Variants in PTPRK observed in about 807,000 individuals in gnomAD.
PTPRK encodes the protein protein tyrosine phosphatase receptor type K, also known as receptor-type tyrosine-protein phosphatase kappa.
PTPRK carries 75 observed loss-of-function variants against 178.0 expected under a neutral mutation model. That is an observed-to-expected ratio of 0.42 (90% CI 0.35 to 0.51). The LOEUF (loss-of-function observed/expected upper bound fraction) is 0.51, where lower values mean the gene tolerates loss of function less well. PTPRK is among the 20% of genes least tolerant of loss of function. PTPRK has a pLI of 0.02. For missense variants in PTPRK, 1,441 were observed against 1,797.8 expected (o/e 0.80, Z 3.59); for synonymous variants, 637 against 620.6 (o/e 1.03, Z -0.39).
intron 15 of PTPRK, chr6:128,001,276 CT>C: frequency 1.6e-6 from 2 of 1,253,888 alleles, no homozygotes; most frequent in Admixed American, 2.2e-5. Flanking sequence ...TTTCTAAGCC[CT>C]TTTAAATCAG....
intron 5 of PTPRK, among the ~76,000 whole-genome samples, chr6:128,225,149 C>A (rs148565604): frequency 3.3e-5 from 5 of 152,072 alleles, no homozygotes; most frequent in Non-Finnish European, 5.9e-5. Flanking sequence ...CAATACATGT[C>A]GAGATTATTT....
chr6:128,446,469 AG>A (rs1294138439), intron 1 of PTPRK, among the ~76,000 whole-genome samples: 9 of 152,354 alleles, frequency 5.9e-5, no homozygotes, highest in African/African-American at 1.2e-4. Context: ...TTCAAAATGT[AG>A]AATAATTGAT....
intron 2 of PTPRK, among the ~76,000 whole-genome samples, chr6:128,344,817 A>T (rs1330547307): frequency 1.3e-5 from 2 of 151,848 alleles, no homozygotes; most frequent in African/African-American, 4.8e-5. Context: ...TGCCTGGCCC[A>T]CCCCTCACTT....
Position 128,467,914 on chromosome 6 carries a change from T to C in PTPRK, c.100+52345A>G, listed in dbSNP as rs59572429. Among the ~76,000 whole-genome samples the C allele has an allele frequency of 4.1e-3, 627 of 151,980 alleles. 5 individuals are homozygous for C. The highest frequency in any genetic ancestry group is 0.015 in the African/African-American group (608 of 41,408). ...TGTTGGAATTTTTCCTTAGTATCAA[T>C]AGCTTCAATTAGAAGCAAATGTAAC... On this transcript the variant is annotated intron_variant, in intron 1 of 29. Transcript: ENST00000368226.
chr6:128,204,263 A>T (rs1806516656), intron 6 of PTPRK, among the ~76,000 whole-genome samples: 1 of 152,218 alleles, frequency 6.6e-6, no homozygotes, highest in African/African-American at 2.4e-5. Context: ...AAACATATAC[A>T]AAAATTAACC....
At chr6:128,486,973 T>G (rs1023207939) in intron 1 of PTPRK, among the ~76,000 whole-genome samples, 2 of 151,020 alleles carry the variant, frequency 1.3e-5, no homozygotes, top group East Asian at 3.9e-4. Context: ...AAAGAAAAAA[T>G]GTATTGACTT....
intron 2 of PTPRK, among the ~76,000 whole-genome samples, chr6:128,365,611 G>A (rs899456204): frequency 6.6e-6 from 1 of 152,068 alleles, no homozygotes; most frequent in Non-Finnish European, 1.5e-5. Flanking sequence ...ACCAGCCATG[G>A]TGTGCATAGC....
intron 6 of PTPRK, among the ~76,000 whole-genome samples, chr6:128,215,951 G>T (rs948593890): frequency 6.6e-6 from 1 of 152,066 alleles, no homozygotes; most frequent in South Asian, 2.1e-4. Flanking sequence ...GCTGACCCCC[G>T]AGAGTATGTT....
intron 3 of PTPRK, among the ~76,000 whole-genome samples, chr6:128,291,263 T>C (rs1209237748): frequency 6.6e-6 from 1 of 152,086 alleles, no homozygotes; most frequent in Non-Finnish European, 1.5e-5. Context: ...GGCCATAAGC[T>C]AAGGAAGGTG....
chr6:128,155,631 C>G (rs1797853179), intron 7 of PTPRK, among the ~76,000 whole-genome samples: 1 of 151,466 alleles, frequency 6.6e-6, no homozygotes, highest in African/African-American at 2.4e-5. Context: ...TTTGCACCAA[C>G]CTAATATTAA....
intron 1 of PTPRK, among the ~76,000 whole-genome samples, chr6:128,503,204 C>T (rs1339952196): frequency 1.3e-5 from 2 of 152,170 alleles, no homozygotes; most frequent in Admixed American, 1.3e-4. Context: ...CCAGCCTAGG[C>T]AACAGAGCGA....
intron 11 of PTPRK, among the ~76,000 whole-genome samples, chr6:128,078,145 A>G (rs1211415228): frequency 2.6e-5 from 4 of 152,010 alleles, no homozygotes; most frequent in Non-Finnish European, 5.9e-5. Flanking sequence ...GTGAAATGAA[A>G]TGGGACTAGA....
At chr6:128,351,893 T>C (rs147476874) in intron 2 of PTPRK, among the ~76,000 whole-genome samples, 144 of 152,252 alleles carry the variant, frequency 9.5e-4, no homozygotes, top group Admixed American at 2.6e-3. Flanking sequence ...TTTTCTTCAA[T>C]GTAGCTCAAC....
At position 128,519,279 on chromosome 6, in the gene PTPRK, A is replaced by C; in HGVS notation, c.100+980T>G. The C allele has an allele frequency of 2.7e-6, 1 of 366,888 alleles. No homozygotes were observed. The highest frequency in any genetic ancestry group is 5.3e-6 in the Non-Finnish European group (1 of 187,536). 22.7% of individuals were successfully genotyped at this position (366,888 alleles called of 1,614,324 possible). The stretch of plus-strand genomic sequence containing the variant: ...CGAAAGAAGCAACCAACCTACACGA[A>C]GGATAACAAAACTGGAGGGGAACAG... On this transcript the variant is annotated intron_variant, in intron 1 of 29. Coordinates refer to ENST00000368226, the MANE Select transcript of PTPRK (RefSeq NM_002844.4). This position sits in a 1 kb window ranked among gnomAD's most constrained non-coding sequence, Gnocchi z 4.3.
At chr6:128,510,224 A>G (rs927935602) in intron 1 of PTPRK, among the ~76,000 whole-genome samples, 1 of 152,194 alleles carries the variant, frequency 6.6e-6, no homozygotes, top group Non-Finnish European at 1.5e-5. Context: ...GGACCATTAA[A>G]GTGCCTGGAG....
chr6:128,019,966 A>G (rs1773235491), intron 13 of PTPRK, among the ~76,000 whole-genome samples: 1 of 152,182 alleles, frequency 6.6e-6, no homozygotes, highest in South Asian at 2.1e-4. Context: ...TTGTCTATGT[A>G]GTAGGTGCAA....
At chr6:128,397,822 T>A (rs905727057) in intron 1 of PTPRK, 134 bp from the exon 2 acceptor site, 12 of 828,018 alleles carry the variant, frequency 1.4e-5, no homozygotes, top group Non-Finnish European at 2.1e-5. Flanking sequence ...CTCCTGTTTA[T>A]CACTATTCTC....
intron 6 of PTPRK, among the ~76,000 whole-genome samples, chr6:128,192,580 G>C (rs1803986829): frequency 6.6e-6 from 1 of 152,052 alleles, no homozygotes; most frequent in Admixed American, 6.5e-5. Context: ...AGCATTTTAG[G>C]AGGCTGAGGA....
chr6:128,380,426 A>G lies in PTPRK; in HGVS notation c.223+17140T>C, dbSNP rs1837718055. 2.6e-5 allele frequency among the ~76,000 whole-genome samples: 4 copies of G among 151,944 alleles called. No homozygotes were observed. In the South Asian group the frequency reaches 8.3e-4, roughly 32 times the overall value. On this transcript the variant is annotated intron_variant, in intron 2 of 29. Coordinates refer to ENST00000368226, the MANE Select transcript of PTPRK (RefSeq NM_002844.4). ...ACCTTCCCCAAGGGCTGTGCCTTAGAGACCTGTTCAATGTTGTACTCTATA... is the reference window on the plus strand; with the variant it reads ...ACCTTCCCCAAGGGCTGTGCCTTAGGGACCTGTTCAATGTTGTACTCTATA...
Sources: allele counts gnomAD v4.1 joint callset (sites outside exome capture counted in the v4.1 genomes callset), GRCh38; gene constraint gnomAD v4.1.1; non-coding constraint Gnocchi (gnomAD v3.1); transcripts MANE v1.5; gene names NCBI Gene and HGNC (gene_info 2026-07-23, HGNC 2026-07-21).